IGF1R: variants seen among roughly 807,000 people sequenced by gnomAD.
IGF1R encodes the protein insulin-like growth factor 1 receptor.
Under a neutral mutation model 144.6 loss-of-function variants are expected in IGF1R, and 44 were observed. That is an observed-to-expected ratio of 0.30 (90% confidence interval 0.24 to 0.39). IGF1R has a LOEUF of 0.39. Among genes scored for constraint, IGF1R ranks in the 10% least tolerant of loss-of-function variants. IGF1R has a pLI of 1.00. For missense variants in IGF1R, 1,355 were observed against 1,833.7 expected, an observed-to-expected ratio of 0.74 and a Z score of 4.77; for synonymous variants, 795 against 722.8, an observed-to-expected ratio of 1.10 and a Z score of -1.60.
Position 98,837,667 on chromosome 15 carries a change from G to C in IGF1R, c.641-53658G>C, listed in dbSNP as rs561242452. Among the ~76,000 whole-genome samples, 10 of 150,896 alleles carry C rather than the reference G, an allele frequency of 6.6e-5. No homozygotes were observed. In the South Asian group the frequency reaches 1.9e-3, roughly 28 times the overall value. ...CATCACATTGTCACTCACTGATCTT[G>C]TCATGCTTTGGTGGAGCTTATCTAC... On this transcript the variant is annotated intron_variant, in intron 2 of 20. Coordinates refer to ENST00000650285, the MANE Select transcript of IGF1R (RefSeq NM_000875.5).
At chr15:98,749,476 A>T (rs2054952158) in intron 2 of IGF1R, among the ~76,000 whole-genome samples, 1 of 152,188 alleles carries the variant, frequency 6.6e-6, no homozygotes, top group South Asian at 2.1e-4. Context: ...AAATTTCATC[A>T]AGACTAATTG....
chr15:98,802,696 T>C (rs953282625), intron 2 of IGF1R, among the ~76,000 whole-genome samples: 1 of 152,222 alleles, frequency 6.6e-6, no homozygotes, highest in African/African-American at 2.4e-5. Context: ...CTAGCATCAT[T>C]GAAAGAGTTT....
At chr15:98,775,570 C>A (rs908584713) in intron 2 of IGF1R, among the ~76,000 whole-genome samples, 1 of 152,224 alleles carries the variant, frequency 6.6e-6, no homozygotes, top group Non-Finnish European at 1.5e-5. Flanking sequence ...CCCAAGCCCC[C>A]ACTTGTCGGG....
chr15:98,658,522 T>A (rs1265283025), intron 1 of IGF1R, among the ~76,000 whole-genome samples: 4 of 152,230 alleles, frequency 2.6e-5, no homozygotes, highest in Non-Finnish European at 4.4e-5. Flanking sequence ...ATAGGTTTTT[T>A]AAATTGAAAT....
intron 10 of IGF1R, among the ~76,000 whole-genome samples, chr15:98,919,700 A>T (rs959437609): frequency 6.6e-6 from 1 of 152,198 alleles, no homozygotes; most frequent in African/African-American, 2.4e-5. Flanking sequence ...ATGGATGTAT[A>T]TGAAGACAAT....
intron 2 of IGF1R, among the ~76,000 whole-genome samples, chr15:98,801,430 A>G (rs1473705177): frequency 1.3e-5 from 2 of 152,216 alleles, no homozygotes; most frequent in Non-Finnish European, 2.9e-5. Context: ...ACCTCTATCA[A>G]AACAAACACC....
At chr15:98,840,503 G>A (rs575886368) in intron 2 of IGF1R, among the ~76,000 whole-genome samples, 209 of 152,184 alleles carry the variant, frequency 1.4e-3, no homozygotes, top group African/African-American at 4.8e-3. Flanking sequence ...CGGCTGGAGC[G>A]CAGTAGTGCA....
intron 19 of IGF1R, among the ~76,000 whole-genome samples, chr15:98,946,118 T>G (rs527884123): frequency 1.3e-4 from 19 of 150,046 alleles, no homozygotes; most frequent in South Asian, 1.1e-3. Context: ...TGGGGTTGCA[T>G]CATCTTCTTC....
intron 19 of IGF1R, among the ~76,000 whole-genome samples, chr15:98,946,808 C>T (rs1037039892): frequency 2.1e-4 from 32 of 152,206 alleles, no homozygotes; most frequent in Non-Finnish European, 7.3e-5. Context: ...TGCCTGCAAG[C>T]CGCTGACACA....
Position 98,737,676 on chromosome 15 carries a change from G to A in IGF1R, c.640+29569G>A, listed in dbSNP as rs575820578. Among the ~76,000 whole-genome samples the A allele has an allele frequency of 4.7e-4, 71 of 152,220 alleles. 1 individual carries two copies. The highest frequency in any genetic ancestry group is 1.6e-3 in the African/African-American group (68 of 41,526). ...CCCCGTCCCCACAATATCTTAGGGCGAAGAAAAGCAGGTTTGAGAAAAGCT... is the reference window on the plus strand; with the variant it reads ...CCCCGTCCCCACAATATCTTAGGGCAAAGAAAAGCAGGTTTGAGAAAAGCT... On this transcript the variant is annotated intron_variant, in intron 2 of 20. Transcript: ENST00000650285.
Position 98,746,749 on chromosome 15 carries a change from G to C in IGF1R, c.640+38642G>C, listed in dbSNP as rs75578686. Among the ~76,000 whole-genome samples the C allele has an allele frequency of 9.6e-3, 1,463 of 152,224 alleles. 16 individuals carry two copies. The highest frequency in any genetic ancestry group is 0.035 in the South Asian group (169 of 4,824). ...GGTTTCAAAAGAACTTGCTTGTTTG[G>C]TTGTTGTGTTTTGCCTTTTAATTTG... On this transcript the variant is annotated intron_variant, in intron 2 of 20. Coordinates refer to ENST00000650285, the MANE Select transcript of IGF1R (RefSeq NM_000875.5).
intron 2 of IGF1R, among the ~76,000 whole-genome samples, chr15:98,864,586 G>C (rs2012326766): frequency 6.6e-6 from 1 of 152,158 alleles, no homozygotes; most frequent in South Asian, 2.1e-4. Flanking sequence ...GATGGGGTCT[G>C]TGTTGCCCAG....
chr15:98,658,186 T>C (rs775282986), intron 1 of IGF1R, among the ~76,000 whole-genome samples: 1 of 152,222 alleles, frequency 6.6e-6, no homozygotes, highest in Non-Finnish European at 1.5e-5. Context: ...GTGTTATGCC[T>C]GTCTTCAAGT....
intron 1 of IGF1R, among the ~76,000 whole-genome samples, chr15:98,705,003 T>A (rs781055348): frequency 2.4e-4 from 36 of 150,366 alleles, no homozygotes; most frequent in Non-Finnish European, 4.7e-4. Flanking sequence ...GTGGATTATG[T>A]GGGGGGATGA....
chr15:98,762,843 C>G (rs1041148233), intron 2 of IGF1R, among the ~76,000 whole-genome samples: 3 of 148,546 alleles, frequency 2.0e-5, no homozygotes, highest in African/African-American at 7.5e-5. Flanking sequence ...GTCAAGAGAT[C>G]AAGACCATCC....
In IGF1R at chr15:98,808,551, T is replaced by C. The variant is rs574467468; in HGVS notation, c.641-82774T>C. ...CATTCATTGAGAACACACTGTAGACTGTTAGGATTTTCGGTGCTGGAGCCA... is the reference window on the plus strand; with the variant it reads ...CATTCATTGAGAACACACTGTAGACCGTTAGGATTTTCGGTGCTGGAGCCA... On this transcript the variant is annotated intron_variant, in intron 2 of 20. Transcript: ENST00000650285. 2.6e-5 allele frequency among the ~76,000 whole-genome samples: 4 copies of C among 152,278 alleles called. No homozygotes were observed. In the East Asian group the frequency reaches 7.7e-4, roughly 29 times the overall value.
intron 1 of IGF1R, among the ~76,000 whole-genome samples, chr15:98,698,243 TG>T: frequency 6.6e-6 from 1 of 152,064 alleles, no homozygotes; most frequent in East Asian, 1.9e-4. Flanking sequence ...TTCACCATGT[TG>T]GCCAGGCTGG....
intron 2 of IGF1R, among the ~76,000 whole-genome samples, chr15:98,827,065 G>C (rs2056907556): frequency 6.6e-6 from 1 of 152,118 alleles, no homozygotes; most frequent in Non-Finnish European, 1.5e-5. Flanking sequence ...TTGAATTTGA[G>C]TACCGAGAAT....
chr15:98,700,539 G>A (rs529876169), intron 1 of IGF1R, among the ~76,000 whole-genome samples: 11 of 152,240 alleles, frequency 7.2e-5, no homozygotes, highest in Middle Eastern at 6.8e-3. Flanking sequence ...CACCTCTTGC[G>A]TTTTAACAGT....
Sources: allele counts gnomAD v4.1 joint callset (sites outside exome capture counted in the v4.1 genomes callset), GRCh38; gene constraint gnomAD v4.1.1; transcripts MANE v1.5; gene names NCBI Gene and HGNC (gene_info 2026-07-23, HGNC 2026-07-21).